NDST3: variants seen among roughly 807,000 people sequenced by gnomAD.
NDST3 encodes bifunctional heparan sulfate N-deacetylase/N-sulfotransferase 3.
NDST3 carries 58 observed loss-of-function variants against 96.1 expected under a neutral mutation model. The observed-to-expected ratio is 0.60, with a 90% CI of 0.49 to 0.75. NDST3 has a LOEUF of 0.75. NDST3 is among the 30% of genes least tolerant of loss of function. The pLI is 0.00. For synonymous variants in NDST3, 333 were observed against 359.7 expected (o/e 0.93, Z 0.84); for missense variants, 788 against 1,034.2 (o/e 0.76, Z 3.27).
intron 6 of NDST3, among the ~76,000 whole-genome samples, chr4:118,166,359 A>T (rs1735552226): frequency 6.6e-6 from 1 of 152,000 alleles, no homozygotes; most frequent in Admixed American, 6.6e-5. Flanking sequence ...TCTTGAAGAA[A>T]TAGAAAATCT....
chr4:118,146,469 C>G (rs541090308), intron 6 of NDST3, among the ~76,000 whole-genome samples: 1 of 152,188 alleles, frequency 6.6e-6, no homozygotes, highest in South Asian at 2.1e-4. Context: ...TATCAAGGTG[C>G]TATACTAACT....
At chr4:118,178,628 A>T (rs1460888646) in intron 6 of NDST3, among the ~76,000 whole-genome samples, 1 of 152,082 alleles carries the variant, frequency 6.6e-6, no homozygotes, top group Non-Finnish European at 1.5e-5. Context: ...TTGTGAATAA[A>T]AGCTGCAGTG....
In NDST3 at chr4:118,222,786, T is replaced by C. The variant is rs139590723; in HGVS notation, c.1540-1705T>C. Among the ~76,000 whole-genome samples, 3 of 152,090 alleles carry C rather than the reference T, an allele frequency of 2.0e-5. No individual in the cohort carries two copies. In the East Asian group the frequency reaches 5.8e-4, roughly 29 times the overall value. On this transcript the variant is annotated intron_variant, in intron 6 of 13. Transcript: ENST00000296499. ...TTCCATCTGTCTTTATCAGAAAGAG[T>C]AGCATTTTTTTACTTTCCATAGTCA... is the stretch of plus-strand genomic sequence containing the variant.
In NDST3 at chr4:118,127,366, G is replaced by A. The variant is rs1485731724; in HGVS notation, c.1225-10688G>A. On this transcript the variant is annotated intron_variant, in intron 4 of 13. Transcript: ENST00000296499. ...TCTTTAATATATTGGTTTGATTTTTGTATATGGTGATAGACAGGGGTTCAG... is the reference window on the plus strand; with the variant it reads ...TCTTTAATATATTGGTTTGATTTTTATATATGGTGATAGACAGGGGTTCAG... Among the ~76,000 whole-genome samples, 3 of 151,872 alleles carry A rather than the reference G, an allele frequency of 2.0e-5. 1 individual carries two copies. Among genetic ancestry groups the A allele is most frequent in the Non-Finnish European group, 2.9e-5 (2 of 67,918 alleles).
chr4:118,078,325 G>A (rs4834656), intron 2 of NDST3, among the ~76,000 whole-genome samples: 114,457 of 152,050 alleles, frequency 0.75, 45,739 homozygotes, highest in South Asian at 0.92. Flanking sequence ...AGTCTGCCAT[G>A]CTGACCCAAA....
intron 2 of NDST3, among the ~76,000 whole-genome samples, chr4:118,094,657 C>A (rs1729145369): frequency 6.6e-6 from 1 of 151,636 alleles, no homozygotes; most frequent in South Asian, 2.1e-4. Flanking sequence ...TTGGCATTAC[C>A]AGTAATTAAT....
At position 118,059,152 on chromosome 4, in the gene NDST3, C is replaced by G. The variant is rs115452457; in HGVS notation, c.981+4261C>G. Among the ~76,000 whole-genome samples, 226 of 152,142 alleles carry G rather than the reference C, an allele frequency of 1.5e-3. 2 individuals are homozygous for G. The highest frequency in any genetic ancestry group is 5.3e-3 in the African/African-American group (220 of 41,530). On this transcript the variant is annotated intron_variant, in intron 2 of 13. Coordinates refer to ENST00000296499, the MANE Select transcript of NDST3 (RefSeq NM_004784.3). ...CTTTGAGAAAATTCCTAACATTCTT[C>G]GGAAAATGAAGAACCCGCCCAGTCA... is the stretch of plus-strand genomic sequence containing the variant.
At chr4:118,109,258 T>C (rs1034856600) in intron 3 of NDST3, among the ~76,000 whole-genome samples, 6 of 152,160 alleles carry the variant, frequency 3.9e-5, no homozygotes, top group Non-Finnish European at 5.9e-5. Flanking sequence ...AATTATCATA[T>C]GGATGAAAAA....
At chr4:118,089,149 A>G (rs1271695244) in intron 2 of NDST3, among the ~76,000 whole-genome samples, 2 of 151,994 alleles carry the variant, frequency 1.3e-5, no homozygotes, top group Non-Finnish European at 2.9e-5. Flanking sequence ...TCCTAAAGAT[A>G]TAAATTTGGA....
At chr4:118,151,664 T>C (rs1734408996) in intron 6 of NDST3, among the ~76,000 whole-genome samples, 1 of 152,092 alleles carries the variant, frequency 6.6e-6, no homozygotes, top group Non-Finnish European at 1.5e-5. Context: ...AAAACTGTTA[T>C]AGAAATTGTA....
chr4:118,206,792 T>A (rs1337093788), intron 6 of NDST3, among the ~76,000 whole-genome samples: 1 of 143,770 alleles, frequency 7.0e-6, no homozygotes, highest in Non-Finnish European at 1.5e-5. Context: ...GTCAGTACAA[T>A]CTCTATGACA....
At chr4:118,043,912 A>C (rs924555572) in intron 1 of NDST3, among the ~76,000 whole-genome samples, 1 of 152,218 alleles carries the variant, frequency 6.6e-6, no homozygotes, top group Admixed American at 6.5e-5. Context: ...AGGGACGTGC[A>C]CTGGAATTTT....
intron 6 of NDST3, among the ~76,000 whole-genome samples, chr4:118,205,378 T>C (rs1281808485): frequency 1.4e-5 from 2 of 144,826 alleles, no homozygotes; most frequent in East Asian, 3.9e-4. Flanking sequence ...ATATATCATT[T>C]AAAAAACAGA....
intron 4 of NDST3, among the ~76,000 whole-genome samples, chr4:118,123,689 T>TA (rs1481569052): frequency 3.9e-5 from 6 of 152,156 alleles, no homozygotes; most frequent in African/African-American, 1.2e-4. Flanking sequence ...GCGCATCCTT[T>TA]AGTGCTATGT....
intron 2 of NDST3, among the ~76,000 whole-genome samples, chr4:118,099,388 G>A (rs1729594758): frequency 6.6e-6 from 1 of 152,072 alleles, no homozygotes. Context: ...CAAATTCCTA[G>A]GTGAAAGCTC....
At chr4:118,110,592 T>C (rs981920035) in intron 3 of NDST3, among the ~76,000 whole-genome samples, 2 of 152,202 alleles carry the variant, frequency 1.3e-5, no homozygotes, top group Non-Finnish European at 2.9e-5. Context: ...TTAAATATAA[T>C]ATCAGAATAG....
At chr4:118,122,022 C>T (rs989569223) in intron 4 of NDST3, among the ~76,000 whole-genome samples, 38 of 152,086 alleles carry the variant, frequency 2.5e-4, no homozygotes, top group African/African-American at 8.5e-4. Flanking sequence ...AATTCCTTTC[C>T]CTTTTTCCTC....
intron 6 of NDST3, among the ~76,000 whole-genome samples, chr4:118,153,505 C>T (rs1734534163): frequency 2.6e-5 from 4 of 152,232 alleles, no homozygotes; most frequent in South Asian, 4.2e-4. Flanking sequence ...TAATAAGGTA[C>T]ATTCAGGCAT....
intron 4 of NDST3, among the ~76,000 whole-genome samples, chr4:118,119,849 A>G (rs1397677843): frequency 1.3e-5 from 2 of 152,134 alleles, no homozygotes; most frequent in African/African-American, 4.8e-5. Context: ...TGGCCCAGAA[A>G]GAGTCTCCAG....
Sources: gnomAD v4.1 joint callset for allele counts (sites outside exome capture counted in the v4.1 genomes callset) on GRCh38, gnomAD v4.1.1 for gene constraint, MANE v1.5 for transcripts, NCBI Gene and HGNC (gene_info 2026-07-23, HGNC 2026-07-21) for gene names.